OSBPL10: variants seen among roughly 807,000 people sequenced by gnomAD.
The protein encoded by OSBPL10 is oxysterol-binding protein-related protein 10.
In OSBPL10, 49 loss-of-function variants were observed where a neutral mutation model predicts 81.7. The observed-to-expected ratio is 0.60, with a 90% CI of 0.48 to 0.76. OSBPL10 has a LOEUF of 0.76. OSBPL10 is among the 30% of genes least tolerant of loss of function. The probability of loss-of-function intolerance (pLI) is 0.00; values close to 1 mark genes in which losing one functional copy is unlikely to be tolerated. For synonymous variants in OSBPL10, 419 were observed against 383.6 expected (o/e 1.09, Z -1.08); for missense variants, 923 against 987.8 (o/e 0.93, Z 0.88).
intron 6 of OSBPL10, among the ~76,000 whole-genome samples, chr3:31,722,497 CT>C (rs1304791294): frequency 6.6e-6 from 1 of 152,088 alleles, no homozygotes; most frequent in Admixed American, 6.5e-5. Flanking sequence ...GGTTTTAGCA[CT>C]AAAAATTCAT....
chr3:31,924,077 G>T (rs1276053449), intron 1 of OSBPL10, among the ~76,000 whole-genome samples: 2 of 151,844 alleles, frequency 1.3e-5, no homozygotes, highest in East Asian at 3.9e-4. Flanking sequence ...AAATTAGTGG[G>T]CATAGTGGCA....
chr3:32,024,335 A>T (rs1699383939), intron 2 of OSBPL10, among the ~76,000 whole-genome samples: 1 of 152,130 alleles, frequency 6.6e-6, no homozygotes, highest in Non-Finnish European at 1.5e-5. Flanking sequence ...CTTCCAACCC[A>T]TCACATGATG....
At chr3:31,769,018 G>A (rs943097076) in intron 4 of OSBPL10, among the ~76,000 whole-genome samples, 1 of 152,098 alleles carries the variant, frequency 6.6e-6, no homozygotes, top group African/African-American at 2.4e-5. Context: ...GACGGCAGCC[G>A]CGGAAAAATA....
intron 4 of OSBPL10, among the ~76,000 whole-genome samples, chr3:31,816,443 G>C (rs974860924): frequency 6.6e-6 from 1 of 152,126 alleles, no homozygotes; most frequent in Non-Finnish European, 1.5e-5. Context: ...ACAAGCTCAG[G>C]GACCTCAGGG....
chr3:32,049,161 C>T (rs577439868), intron 1 of OSBPL10, among the ~76,000 whole-genome samples: 89 of 152,292 alleles, frequency 5.8e-4, no homozygotes, highest in South Asian at 1.5e-3. Context: ...TTGAGCAGCC[C>T]ATGCCACTGC....
At chr3:31,905,569 C>G (rs1286135265) in intron 1 of OSBPL10, among the ~76,000 whole-genome samples, 1 of 151,756 alleles carries the variant, frequency 6.6e-6, no homozygotes, top group East Asian at 1.9e-4. Flanking sequence ...AGGCTGCTCT[C>G]GAACTCCTGA....
chr3:32,037,817 C>T (rs1424126250), intron 2 of OSBPL10, among the ~76,000 whole-genome samples: 1 of 152,068 alleles, frequency 6.6e-6, no homozygotes. Flanking sequence ...ACATATCTGC[C>T]CAGTGACAAT....
In OSBPL10 at chr3:31,879,038, G is replaced by A. The variant is rs1212760627; in HGVS notation, c.457+617C>T. Among the ~76,000 whole-genome samples the A allele has an allele frequency of 2.0e-5, 3 of 152,126 alleles. 1 individual carries two copies. The highest frequency in any genetic ancestry group is 2.0e-4 in the Admixed American group (3 of 15,284). On this transcript the variant is annotated intron_variant, in intron 2 of 11. Transcript: ENST00000396556. Reference sequence around the variant, plus strand: ...GGATGTGTCTTGAGGGTGAATACTGGACTCCCTGGAAAGTCATCCTCATTT... The same window carrying A: ...GGATGTGTCTTGAGGGTGAATACTGAACTCCCTGGAAAGTCATCCTCATTT...
chr3:31,937,531 G>A (rs1485848057), intron 1 of OSBPL10, among the ~76,000 whole-genome samples: 1 of 152,118 alleles, frequency 6.6e-6, no homozygotes, highest in South Asian at 2.1e-4. Context: ...GGAGCTAGAA[G>A]AACAATACAG....
intron 3 of OSBPL10, among the ~76,000 whole-genome samples, chr3:31,831,277 A>G (rs1478895831): frequency 8.5e-5 from 13 of 152,186 alleles, no homozygotes; most frequent in Non-Finnish European, 1.6e-4. Context: ...ATGGTGGCAC[A>G]TGCCTGTAAT....
intron 1 of OSBPL10, among the ~76,000 whole-genome samples, chr3:31,930,673 T>G (rs11719084): frequency 0.21 from 31,588 of 152,002 alleles, 3,871 homozygotes; most frequent in Non-Finnish European, 0.28. Flanking sequence ...TATGGAATGA[T>G]CTTTAAAAAA....
chr3:31,852,353 G>A (rs1018228635), intron 3 of OSBPL10, among the ~76,000 whole-genome samples: 2 of 152,130 alleles, frequency 1.3e-5, no homozygotes, highest in African/African-American at 4.8e-5. Context: ...GTACAGGGAT[G>A]TGCTGAACAT....
chr3:31,831,875 A>C (rs900100595), intron 3 of OSBPL10, among the ~76,000 whole-genome samples: 1 of 152,218 alleles, frequency 6.6e-6, no homozygotes, highest in Non-Finnish European at 1.5e-5. Flanking sequence ...GTGTCTGGGA[A>C]TGTATCCTCC....
At position 31,722,247 on chromosome 3, in the gene OSBPL10, C is replaced by G. The variant is rs759102861; in HGVS notation, c.1095+11010G>C. Among the ~76,000 whole-genome samples, 24 of 152,110 alleles carry G rather than the reference C, an allele frequency of 1.6e-4. 1 individual carries two copies. The highest frequency in any genetic ancestry group is 3.4e-4 in the Non-Finnish European group (23 of 68,006). ...ATGTCCAACCAATTGATTGCTCCGT[C>G]AAGGAACCTGTATTCTCAGATGATA... On this transcript the variant is annotated intron_variant, in intron 6 of 11. Transcript: ENST00000396556.
rs1469671221 is a variant in OSBPL10 at position 31,862,115 on chromosome 3, C to T, written c.537+14318G>A. Among the ~76,000 whole-genome samples the T allele has an allele frequency of 2.6e-5, 4 of 152,188 alleles. No individual in the cohort carries two copies. In the East Asian group the frequency reaches 7.7e-4, roughly 29 times the overall value. The stretch of plus-strand genomic sequence containing the variant: ...TCAGAAATAGCCCCTTCATGCATTG[C>T]ATGCCTCTATCAAAATATCTCACGT... On this transcript the variant is annotated intron_variant, in intron 3 of 11. Transcript: ENST00000396556.
chr3:31,810,563 T>C (rs1215328103), intron 4 of OSBPL10, among the ~76,000 whole-genome samples: 1 of 152,066 alleles, frequency 6.6e-6, no homozygotes, highest in African/African-American at 2.4e-5. Context: ...AGGTGAATTA[T>C]CTTAATATAT....
chr3:31,998,452 A>G (rs1047569382), intron 2 of OSBPL10, among the ~76,000 whole-genome samples: 1 of 152,224 alleles, frequency 6.6e-6, no homozygotes, highest in African/African-American at 2.4e-5. Context: ...GTCCCCCAGC[A>G]TCAGGCTTAT....
intron 1 of OSBPL10, among the ~76,000 whole-genome samples, chr3:31,963,200 C>A (rs1380351195): frequency 6.6e-6 from 1 of 151,908 alleles, no homozygotes; most frequent in East Asian, 1.9e-4. Context: ...TCCCTTCTCT[C>A]CCTTCCCCGT....
intron 1 of OSBPL10, among the ~76,000 whole-genome samples, chr3:31,972,962 T>C (rs1239045012): frequency 6.6e-6 from 1 of 152,202 alleles, no homozygotes. Context: ...ATTATTGATA[T>C]CATTGCATGA....
Sources: allele counts gnomAD v4.1 joint callset (sites outside exome capture counted in the v4.1 genomes callset), GRCh38; gene constraint gnomAD v4.1.1; transcripts MANE v1.5; gene names NCBI Gene and HGNC (gene_info 2026-07-23, HGNC 2026-07-21).